Variants in PPFIA3 observed in about 807,000 individuals in gnomAD.
PPFIA3 encodes the protein liprin-alpha-3.
In PPFIA3, 26 loss-of-function variants were observed where a neutral mutation model predicts 145.8. That is an observed-to-expected ratio of 0.18 (90% confidence interval 0.13 to 0.25). The LOEUF is 0.25. Ranked by LOEUF, PPFIA3 falls within the 10% of genes least tolerant of loss-of-function variation. PPFIA3 has a pLI of 1.00. For missense variants in PPFIA3, 1,008 were observed against 1,587.8 expected, an observed-to-expected ratio of 0.63 and a Z score of 6.21; for synonymous variants, 645 against 661.4, an observed-to-expected ratio of 0.98 and a Z score of 0.38.
intron 1 of PPFIA3, among the ~76,000 whole-genome samples, chr19:49,122,078 ATT>A (rs4002359): frequency 2.6e-4 from 34 of 131,770 alleles, no homozygotes; most frequent in Admixed American, 3.9e-4. Context: ...CCAGATGCCA[ATT>A]TTTTTTTTTT....
intron 24 of PPFIA3, 134 bp downstream of exon 24, chr19:49,148,392 G>T: frequency 9.7e-7 from 1 of 1,032,608 alleles, no homozygotes; most frequent in Non-Finnish European, 1.4e-6. Context: ...AGGAAATCCT[G>T]ACTCTGTGCT....
rs184315803 is a variant in PPFIA3 at position 49,121,502 on chromosome 19, C to T, written c.-16+1780C>T. Among the ~76,000 whole-genome samples, 178 of 152,192 alleles carry T rather than the reference C, an allele frequency of 1.2e-3. No individual in the cohort carries two copies. In the Middle Eastern group the frequency reaches 0.045, roughly 38 times the overall value. On this transcript the variant is annotated intron_variant, in intron 1 of 29. Coordinates refer to ENST00000334186, the MANE Select transcript of PPFIA3 (RefSeq NM_003660.4). ...TTAAAAAAAAATTTTTTTGGCCAGG[C>T]GCGGTGGCTCATGCCGGTAATCCCA...
At position 49,130,456 on chromosome 19, in the gene PPFIA3, C is replaced by T. The variant is rs768310543; in HGVS notation, c.736C>T (p.Arg246Cys). ...AELEEALERQRAEVCQLRERL... is the reference protein window; with the variant it reads ...AELEEALERQCAEVCQLRERL... ...GCTGGAGGAGGCCCTGGAGCGGCAG[C>T]GCGCCGAGGTGTGCCAGCTGCGGGA... is the stretch of plus-strand genomic sequence containing the variant. The change falls in exon 7 of 30, where the codon CGC becomes TGC. Residue 246 changes from arginine to cysteine, a missense_variant. By Grantham distance (180) the Arg-to-Cys change is radical (BLOSUM62 -3). Coordinates refer to ENST00000334186, the MANE Select transcript of PPFIA3 (RefSeq NM_003660.4). The surrounding 1 kb of genome is among the most constrained non-coding windows in gnomAD (Gnocchi z 4.5). 6 of 1,608,550 alleles carry T rather than the reference C, an allele frequency of 3.7e-6. No homozygotes were observed. The highest frequency in any genetic ancestry group is 1.7e-4 in the Middle Eastern group (1 of 5,942).
intron 19 of PPFIA3, 54 bp downstream of exon 19, chr19:49,141,567 T>A (rs893433496): frequency 1.4e-6 from 2 of 1,436,248 alleles, no homozygotes; most frequent in African/African-American, 3.4e-5. Flanking sequence ...TGAGAGTGTG[T>A]GAGGGTGTGT....
chr19:49,134,850 C>T lies in PPFIA3; in HGVS notation c.1455C>T (p.Ala485=), dbSNP rs367708837. Residue 485 remains alanine (A), a synonymous_variant, in exon 13 of 30, where the codon GCC becomes GCT. Transcript: ENST00000334186. ...ELLLNKEQLL[A]EMERMQMEID... is the part of the protein sequence containing the mutation. ...CCGGCCCCCAGGAGCAGCTCTTGGC[C>T]GAAATGGAGCGGATGCAGATGGAGA... is the stretch of plus-strand genomic sequence containing the variant. The T allele has an allele frequency of 9.4e-6, 15 of 1,596,840 alleles. No homozygotes were observed. The highest frequency in any genetic ancestry group is 4.0e-5 in the African/African-American group (3 of 74,592).
chr19:49,141,977 C>T (rs899598213), intron 19 of PPFIA3, 57 bp from the exon 20 acceptor site: 9 of 1,418,634 alleles, frequency 6.3e-6, no homozygotes, highest in East Asian at 2.5e-5. Flanking sequence ...GGGCCATCCA[C>T]AGAGCAGGGG....
chr19:49,135,743 C>T (rs757216636), intron 13 of PPFIA3, 36 bp from the exon 14 acceptor site: 2 of 1,577,380 alleles, frequency 1.3e-6, no homozygotes, highest in Non-Finnish European at 1.7e-6. Flanking sequence ...CTTTTCCTGA[C>T]CCCTTGGTCT....
chr19:49,142,394 A>G lies in PPFIA3; in HGVS notation c.2544+279A>G, dbSNP rs890922653. ...CTCTCTTTCTGGATTCTCTGTCTCT[A>G]TTTTTCGGCACCATTCCCATCTCTG... On this transcript the variant is annotated intron_variant, in intron 20 of 29. Transcript: ENST00000334186. Among the ~76,000 whole-genome samples the G allele has an allele frequency of 3.3e-5, 5 of 150,330 alleles. No individual in the cohort carries two copies. The South Asian group carries it at 1.1e-3, about 32-fold the overall frequency.
intron 15 of PPFIA3, 71 bp from the exon 16 acceptor site, chr19:49,138,134 T>A: frequency 6.9e-7 from 1 of 1,457,842 alleles, no homozygotes; most frequent in Non-Finnish European, 9.1e-7. Context: ...TCTGGCCCAT[T>A]GTGCTCCCAG....
intron 20 of PPFIA3, among the ~76,000 whole-genome samples, chr19:49,142,412 C>T (rs1015482276): frequency 1.2e-4 from 18 of 152,256 alleles, no homozygotes; most frequent in African/African-American, 4.1e-4. Flanking sequence ...GCACCATTCC[C>T]ATCTCTGACC....
rs2041099430 is a variant in PPFIA3 at position 49,133,446 on chromosome 19, G to C, written c.1161+75G>C. The C allele has an allele frequency of 6.8e-7, 1 of 1,462,904 alleles. No homozygotes were observed. Among genetic ancestry groups the C allele is most frequent in the Non-Finnish European group, 9.0e-7 (1 of 1,107,524 alleles). 90.6% of individuals were successfully genotyped at this position (1,462,904 alleles called of 1,614,324 possible). On this transcript the variant is annotated intron_variant, in intron 9 of 29. Transcript: ENST00000334186. This position sits in a 1 kb window ranked among gnomAD's most constrained non-coding sequence, Gnocchi z 7.2. ...TAGAGGAGGCGGGGCCGTGAATCTG[G>C]AGGGGTAGGAGCGAGGTCAGAACCC...
At chr19:49,146,389 C>G in intron 23 of PPFIA3, 197 bp downstream of exon 23, 1 of 663,902 alleles carries the variant, frequency 1.5e-6, no homozygotes, top group Non-Finnish European at 2.5e-6. Context: ...ATGTGGAAGC[C>G]CAGACTGTTG....
At chr19:49,123,585 G>C (rs1332273330) in intron 1 of PPFIA3, among the ~76,000 whole-genome samples, 1 of 151,962 alleles carries the variant, frequency 6.6e-6, no homozygotes, top group Non-Finnish European at 1.5e-5. Context: ...GGGATTACAG[G>C]TGTGTACCAC....
rs951225462 is a variant in PPFIA3 at position 49,149,230 on chromosome 19, A to G, written c.3286-27A>G. Reference sequence around the variant, plus strand: ...CCCACCTCGCAGACTGCACGCTCCAACCGCCCCCTCCACCTCCTCTTTCCA... The same window carrying G: ...CCCACCTCGCAGACTGCACGCTCCAGCCGCCCCCTCCACCTCCTCTTTCCA... On this transcript the variant is annotated intron_variant, in intron 26 of 29. Coordinates refer to ENST00000334186, the MANE Select transcript of PPFIA3 (RefSeq NM_003660.4). The surrounding 1 kb of genome is among the most constrained non-coding windows in gnomAD (Gnocchi z 5.7). 20 of 1,613,940 alleles carry G rather than the reference A, an allele frequency of 1.2e-5. No homozygotes were observed. The highest frequency in any genetic ancestry group is 1.7e-5 in the Non-Finnish European group (20 of 1,179,994).
chr19:49,146,954 C>A (rs1402455194), intron 23 of PPFIA3, among the ~76,000 whole-genome samples: 1 of 151,760 alleles, frequency 6.6e-6, no homozygotes, highest in East Asian at 1.9e-4. Context: ...AATAAACTAA[C>A]AAAAAAACCC....
At position 49,150,847 on chromosome 19, in the gene PPFIA3, G is replaced by C. The variant is rs1013514942; in HGVS notation, c.*625G>C. 6.4e-6 allele frequency: 1 copy of C among 156,584 alleles called. No homozygotes were observed. Among genetic ancestry groups the C allele is most frequent in the Non-Finnish European group, 1.4e-5 (1 of 71,068 alleles). The allele number at this position is 156,584 out of a possible 1,614,324, so 9.7% of individuals were successfully genotyped here. On this transcript the variant is annotated 3_prime_UTR_variant, in exon 30 of 30. Transcript: ENST00000334186. ...CCGGGGGTAGGGGGCGCAGAATGGCGCTTCCCCTTCTCCTCTGGCTCCGGG... is the reference window on the plus strand; with the variant it reads ...CCGGGGGTAGGGGGCGCAGAATGGCCCTTCCCCTTCTCCTCTGGCTCCGGG...
intron 23 of PPFIA3, chr19:49,146,414 T>C: frequency 1.6e-6 from 1 of 609,528 alleles, no homozygotes. Flanking sequence ...GTCAGCCTTA[T>C]GCATGGACCA....
chr19:49,121,585 T>TG (rs2040936773), intron 1 of PPFIA3, among the ~76,000 whole-genome samples: 1 of 152,042 alleles, frequency 6.6e-6, no homozygotes, highest in Admixed American at 6.6e-5. Flanking sequence ...GAGACCAGCC[T>TG]GGCCAACATG....
chr19:49,128,522 A>T lies in PPFIA3; in HGVS notation c.342+54A>T. 6.7e-6 allele frequency: 8 copies of T among 1,195,744 alleles called. No homozygotes were observed. Among genetic ancestry groups the T allele is most frequent in the Non-Finnish European group, 9.6e-6 (8 of 830,556 alleles). 74.1% of individuals were successfully genotyped at this position (1,195,744 alleles called of 1,614,324 possible). A position where few individuals can be genotyped will look rare whatever the true frequency, so the allele number is the denominator to read the frequency against. On this transcript the variant is annotated intron_variant, in intron 3 of 29. Transcript: ENST00000334186. This position sits in a 1 kb window ranked among gnomAD's most constrained non-coding sequence, Gnocchi z 4.1. ...TGGGGGCGGGGCCTCGTGGTGTTGA[A>T]GTGGGGGGCGGGGCCTCTCAGTGTT...
Sources: allele counts gnomAD v4.1 joint callset (sites outside exome capture counted in the v4.1 genomes callset), GRCh38; gene constraint gnomAD v4.1.1; non-coding constraint Gnocchi (gnomAD v3.1); transcripts MANE v1.5; gene names NCBI Gene and HGNC (gene_info 2026-07-23, HGNC 2026-07-21).